The following OSTC variants were observed in gnomAD, a reference collection of about 807,000 sequenced individuals.
OSTC encodes oligosaccharyltransferase complex subunit OSTC.
A neutral mutation model predicts 16.4 loss-of-function variants in OSTC; 16 were observed. The observed-to-expected ratio is 0.98, with a 90% CI of 0.66 to 1.49. The LOEUF is 1.49. OSTC is among the 40% of genes most tolerant of loss of function. OSTC has a pLI of 0.00. For missense variants in OSTC, 139 were observed against 186.3 expected (o/e 0.75, Z 1.48); for synonymous variants, 67 against 68.5 (o/e 0.98, Z 0.11).
intron 3 of OSTC, among the ~76,000 whole-genome samples, chr4:108,663,866 T>C (rs928618996): frequency 3.9e-5 from 6 of 152,238 alleles, no homozygotes; most frequent in African/African-American, 1.4e-4. Flanking sequence ...AGGTCCTTCA[T>C]GGTGGCTTCT....
rs77386502 is a variant in OSTC, at chr4:108,660,748, C to A, written c.431+3101C>A. On this transcript the variant is annotated intron_variant, in intron 3 of 3. Coordinates refer to ENST00000361564, the MANE Select transcript of OSTC (RefSeq NM_021227.4). Reference sequence around the variant, plus strand: ...GGAATTCTTTTTTACAAAGATGTTACCTTTAGCAAGAGATGCCTTTGAAAA... The same window carrying A: ...GGAATTCTTTTTTACAAAGATGTTAACTTTAGCAAGAGATGCCTTTGAAAA... Among the ~76,000 whole-genome samples, 761 of 152,244 alleles carry A rather than the reference C, an allele frequency of 5.0e-3. 3 individuals carry two copies. The highest frequency in any genetic ancestry group is 0.017 in the African/African-American group (691 of 41,538).
Position 108,662,864 on chromosome 4 carries a change from G to A in OSTC, c.432-4383G>A, listed in dbSNP as rs80316400. On this transcript the variant is annotated intron_variant, in intron 3 of 3. Transcript: ENST00000361564. ...GGTTCATTTTTAGCAAATAAGGGAC[G>A]TAATTCATTCTAAAGAAACAAAACA... Among the ~76,000 whole-genome samples the A allele has an allele frequency of 4.6e-3, 706 of 152,264 alleles. 5 individuals carry two copies. The highest frequency in any genetic ancestry group is 0.015 in the African/African-American group (629 of 41,556).
Position 108,660,213 on chromosome 4 carries a change from T to G in OSTC, c.431+2566T>G, listed in dbSNP as rs78786579. 9.7e-3 allele frequency among the ~76,000 whole-genome samples: 1,483 copies of G among 152,366 alleles called. 28 individuals carry two copies. The highest frequency in any genetic ancestry group is 0.034 in the African/African-American group (1,401 of 41,586). On this transcript the variant is annotated intron_variant, in intron 3 of 3. Transcript: ENST00000361564. Reference sequence around the variant, plus strand: ...CTTTCTGGGTTTCGGTTGTAGATTATGTTTAGATCTAATCAAAACAGGACA... The same window carrying G: ...CTTTCTGGGTTTCGGTTGTAGATTAGGTTTAGATCTAATCAAAACAGGACA...
rs142192219 is a variant in OSTC, at chr4:108,653,084, C to T, written c.139+2290C>T. On this transcript the variant is annotated intron_variant, in intron 1 of 3. Transcript: ENST00000361564. ...AAAATTAGCTGAGCCTGGTGGCGCA[C>T]GCCTGTAGTCCCAAGTAGCTGGGAC... Among the ~76,000 whole-genome samples, 9 of 152,134 alleles carry T rather than the reference C, an allele frequency of 5.9e-5. No individual in the cohort carries two copies. In the East Asian group the frequency reaches 1.5e-3, roughly 26 times the overall value.
At chr4:108,660,363 T>G (rs1726824995) in intron 3 of OSTC, among the ~76,000 whole-genome samples, 1 of 152,096 alleles carries the variant, frequency 6.6e-6, no homozygotes, top group Non-Finnish European at 1.5e-5. Context: ...CCTGGTACCT[T>G]GGGTATGGAG....
intron 2 of OSTC, among the ~76,000 whole-genome samples, chr4:108,656,192 C>A (rs1256287265): frequency 6.6e-6 from 1 of 151,966 alleles, no homozygotes; most frequent in Non-Finnish European, 1.5e-5. Context: ...TCAGTGAAAC[C>A]CCGTTCCAGT....
chr4:108,662,432 CTG>C (rs1273706101), intron 3 of OSTC, among the ~76,000 whole-genome samples: 1 of 152,172 alleles, frequency 6.6e-6, no homozygotes, highest in Admixed American at 6.5e-5. Context: ...TATTTGATAA[CTG>C]TTACTTGCTG....
At chr4:108,654,690 G>A (rs1461234894) in intron 1 of OSTC, among the ~76,000 whole-genome samples, 1 of 152,194 alleles carries the variant, frequency 6.6e-6, no homozygotes, top group Non-Finnish European at 1.5e-5. Flanking sequence ...AGTGGAGAAG[G>A]TAGAGTAGAT....
Position 108,657,609 on chromosome 4 carries a change from T to C in OSTC, c.393T>C (p.Ser131=), listed in dbSNP as rs1415631033. The change falls in exon 3 of 4, where the codon AGT becomes AGC. Residue 131 remains serine, a synonymous_variant. Transcript: ENST00000361564. ...LFIGFVCVLL[S]FFMARVFMRM... ...TTGGATTCGTCTGTGTCCTATTGAG[T>C]TTTTTCATGGCTAGAGTATTCATGA... is the stretch of plus-strand genomic sequence containing the variant. The C allele has an allele frequency of 1.2e-6, 2 of 1,613,520 alleles. No homozygotes were observed. The highest frequency in any genetic ancestry group is 2.7e-5 in the African/African-American group (2 of 74,870).
chr4:108,654,669 T>TAA (rs1726654175), intron 1 of OSTC, among the ~76,000 whole-genome samples: 2 of 152,154 alleles, frequency 1.3e-5, no homozygotes, highest in South Asian at 4.1e-4. Context: ...GAGATGAAGA[T>TAA]GTTTGAGAAC....
chr4:108,656,822 G>T (rs1012838631), intron 2 of OSTC, among the ~76,000 whole-genome samples: 1 of 152,124 alleles, frequency 6.6e-6, no homozygotes, highest in Non-Finnish European at 1.5e-5. Flanking sequence ...AACCTAGACC[G>T]GGCGCAGTGG....
rs1726870067 is a variant in OSTC at position 108,661,974 on chromosome 4, G to T, written c.431+4327G>T. Among the ~76,000 whole-genome samples, 4 of 152,184 alleles carry T rather than the reference G, an allele frequency of 2.6e-5. No homozygotes were observed. The South Asian group carries it at 8.3e-4, about 31-fold the overall frequency. The stretch of plus-strand genomic sequence containing the variant: ...TGGTAATGCCCTAAAGTCAGGTGAG[G>T]TGTTCAATTGGAGATGGAGGGATGG... On this transcript the variant is annotated intron_variant, in intron 3 of 3. Coordinates refer to ENST00000361564, the MANE Select transcript of OSTC (RefSeq NM_021227.4).
At position 108,650,647 on chromosome 4, in the gene OSTC, G is replaced by T; in HGVS notation, c.-9G>T. On this transcript the variant is annotated 5_prime_UTR_variant, in exon 1 of 4. Transcript: ENST00000361564. ...CTTGAGGCCGAGAACGGCCCTTGCTGCCACCAACATGGAGACTTTGTACCG... is the reference window on the plus strand; with the variant it reads ...CTTGAGGCCGAGAACGGCCCTTGCTTCCACCAACATGGAGACTTTGTACCG... The T allele has an allele frequency of 6.2e-7, 1 of 1,613,732 alleles. No individual in the cohort carries two copies. The highest frequency in any genetic ancestry group is 2.2e-5 in the East Asian group (1 of 44,860).
At chr4:108,652,777 G>A (rs1235019541) in intron 1 of OSTC, among the ~76,000 whole-genome samples, 2 of 152,144 alleles carry the variant, frequency 1.3e-5, no homozygotes, top group South Asian at 2.1e-4. Context: ...AGTGGCTCAC[G>A]CCTGTAATCC....
chr4:108,653,614 T>G (rs1321223362), intron 1 of OSTC, among the ~76,000 whole-genome samples: 1 of 152,162 alleles, frequency 6.6e-6, no homozygotes, highest in East Asian at 1.9e-4. Flanking sequence ...AGCTCCTGAA[T>G]AGATGGAAGT....
chr4:108,660,591 G>A (rs1222045692), intron 3 of OSTC, among the ~76,000 whole-genome samples: 1 of 152,070 alleles, frequency 6.6e-6, no homozygotes, highest in East Asian at 1.9e-4. Context: ...ATAGTGAGTG[G>A]ACTAACCACA....
At chr4:108,660,822 T>C (rs1442525178) in intron 3 of OSTC, among the ~76,000 whole-genome samples, 2 of 152,338 alleles carry the variant, frequency 1.3e-5, no homozygotes, top group South Asian at 2.1e-4. Flanking sequence ...GTTTTCTGAT[T>C]TATGCTTTTT....
chr4:108,652,874 C>T (rs943657169), intron 1 of OSTC, among the ~76,000 whole-genome samples: 1 of 152,030 alleles, frequency 6.6e-6, no homozygotes, highest in South Asian at 2.1e-4. Flanking sequence ...CCTGTCTCTA[C>T]TGAAAATACA....
intron 1 of OSTC, among the ~76,000 whole-genome samples, chr4:108,652,677 C>T (rs1206273949): frequency 6.6e-6 from 1 of 152,094 alleles, no homozygotes; most frequent in African/African-American, 2.4e-5. Context: ...ACCCTGACCT[C>T]CTGAAGCTTA....
Sources: gnomAD v4.1 joint callset for allele counts (sites outside exome capture counted in the v4.1 genomes callset) on GRCh38, gnomAD v4.1.1 for gene constraint, MANE v1.5 for transcripts, NCBI Gene and HGNC (gene_info 2026-07-23, HGNC 2026-07-21) for gene names.